The following PDGFC variants were observed in gnomAD, a reference collection of about 807,000 sequenced individuals.
The protein encoded by PDGFC is platelet derived growth factor C.
In PDGFC, 12 loss-of-function variants were observed where a neutral mutation model predicts 35.5. The observed-to-expected ratio is 0.34, with a 90% CI of 0.22 to 0.55. PDGFC has a LOEUF of 0.55. Ranked by LOEUF, PDGFC falls within the 20% of genes least tolerant of loss-of-function variation. The pLI is 0.91. For synonymous variants in PDGFC, 159 were observed against 148.8 expected (o/e 1.07, Z -0.50); for missense variants, 322 against 412.4 (o/e 0.78, Z 1.90).
At chr4:156,944,049 C>G (rs1304588640) in intron 1 of PDGFC, among the ~76,000 whole-genome samples, 1 of 152,078 alleles carries the variant, frequency 6.6e-6, no homozygotes, top group East Asian at 1.9e-4. Context: ...AGCACCTAGC[C>G]AAATTAGAGC....
At chr4:156,854,610 T>C (rs989877863) in intron 1 of PDGFC, among the ~76,000 whole-genome samples, 1 of 152,094 alleles carries the variant, frequency 6.6e-6, no homozygotes. Flanking sequence ...ACTAGGCCTA[T>C]AATCAGAAGA....
chr4:156,813,660 T>C (rs565036573), intron 2 of PDGFC, among the ~76,000 whole-genome samples: 1 of 152,258 alleles, frequency 6.6e-6, no homozygotes, highest in South Asian at 2.1e-4. Flanking sequence ...GAGATCATGG[T>C]GGACAAATAG....
intron 1 of PDGFC, among the ~76,000 whole-genome samples, chr4:156,853,206 C>T (rs1029154178): frequency 6.6e-6 from 1 of 152,178 alleles, no homozygotes; most frequent in African/African-American, 2.4e-5. Flanking sequence ...ATTGCAGTAA[C>T]TGCAGCTACT....
chr4:156,763,086 G>GC lies in PDGFC; in HGVS notation c.*3dup. 1 of 1,494,172 alleles carries GC rather than the reference G, an allele frequency of 6.7e-7. No individual in the cohort carries two copies. The highest frequency in any genetic ancestry group is 9.3e-7 in the Non-Finnish European group (1 of 1,070,960). 92.6% of individuals were successfully genotyped at this position (1,494,172 alleles called of 1,614,324 possible). A position where few individuals can be genotyped will look rare whatever the true frequency, so the allele number is the denominator to read the frequency against. ...CTGGGCAAGAGCTGCTGGTGGTGATGCGGCTATCCTCCTGTGCTCCCTCTG... is the reference window on the plus strand; with the variant it reads ...CTGGGCAAGAGCTGCTGGTGGTGATGCCGGCTATCCTCCTGTGCTCCCTCTG... On this transcript the variant is annotated 3_prime_UTR_variant, in exon 6 of 6. Coordinates refer to ENST00000502773, the MANE Select transcript of PDGFC (RefSeq NM_016205.3).
intron 1 of PDGFC, among the ~76,000 whole-genome samples, chr4:156,925,805 C>T (rs1211234754): frequency 6.6e-6 from 1 of 151,048 alleles, no homozygotes; most frequent in African/African-American, 2.4e-5. Context: ...AACTCCAACG[C>T]TTTGGGAGGT....
intron 1 of PDGFC, among the ~76,000 whole-genome samples, chr4:156,962,256 C>T (rs1341526657): frequency 6.6e-6 from 1 of 152,030 alleles, no homozygotes; most frequent in Non-Finnish European, 1.5e-5. Flanking sequence ...ATGATATATG[C>T]CTCTTCATGC....
chr4:156,838,702 CT>C (rs1287061022), intron 2 of PDGFC, among the ~76,000 whole-genome samples: 9 of 152,080 alleles, frequency 5.9e-5, no homozygotes, highest in Non-Finnish European at 1.2e-4. Flanking sequence ...TAAACATTTC[CT>C]TTTTTACTAG....
chr4:156,889,548 T>G (rs1730454298), intron 1 of PDGFC, among the ~76,000 whole-genome samples: 1 of 152,196 alleles, frequency 6.6e-6, no homozygotes, highest in Admixed American at 6.5e-5. Flanking sequence ...TTTCTTAACA[T>G]TCTTCATGTC....
At chr4:156,910,260 C>T (rs1487495063) in intron 1 of PDGFC, among the ~76,000 whole-genome samples, 1 of 152,084 alleles carries the variant, frequency 6.6e-6, no homozygotes, top group Non-Finnish European at 1.5e-5. Context: ...AAAAATAGTG[C>T]ACAATGTCCC....
intron 1 of PDGFC, among the ~76,000 whole-genome samples, chr4:156,932,471 C>T (rs975556494): frequency 6.6e-6 from 1 of 151,972 alleles, no homozygotes; most frequent in Non-Finnish European, 1.5e-5. Context: ...GCACTATTCA[C>T]AATAGCAAAG....
chr4:156,878,835 C>T (rs777515397), intron 1 of PDGFC, among the ~76,000 whole-genome samples: 43 of 152,154 alleles, frequency 2.8e-4, no homozygotes, highest in Non-Finnish European at 5.6e-4. Context: ...TTCTGTAATA[C>T]ACTAACAGGG....
At chr4:156,897,146 G>A (rs1384477709) in intron 1 of PDGFC, among the ~76,000 whole-genome samples, 1 of 152,062 alleles carries the variant, frequency 6.6e-6, no homozygotes, top group Non-Finnish European at 1.5e-5. Context: ...GAGGCAGTAA[G>A]GTTAATTCTT....
chr4:156,897,350 ATGTG>A (rs70956698), intron 1 of PDGFC, among the ~76,000 whole-genome samples: 5,453 of 143,070 alleles, frequency 0.038, 240 homozygotes, highest in African/African-American at 0.1. Flanking sequence ...GTGAGAGTGT[ATGTG>A]TGTGTGTGTG....
intron 1 of PDGFC, among the ~76,000 whole-genome samples, chr4:156,951,236 A>G (rs901019798): frequency 1.3e-5 from 2 of 151,874 alleles, no homozygotes; most frequent in Admixed American, 1.3e-4. Flanking sequence ...TTAATAAAAC[A>G]ACGCTCGTGA....
chr4:156,769,854 G>A (rs1039215224), intron 4 of PDGFC, among the ~76,000 whole-genome samples: 1 of 151,938 alleles, frequency 6.6e-6, no homozygotes, highest in Non-Finnish European at 1.5e-5. Context: ...AGTATTTAAT[G>A]CCTGGGCAAG....
intron 2 of PDGFC, among the ~76,000 whole-genome samples, chr4:156,837,211 T>C (rs1014591036): frequency 1.8e-4 from 28 of 152,188 alleles, no homozygotes; most frequent in South Asian, 4.1e-4. Flanking sequence ...AAGTACTTTA[T>C]TTTTAATAAT....
chr4:156,890,891 A>T (rs1730487349), intron 1 of PDGFC, among the ~76,000 whole-genome samples: 1 of 152,184 alleles, frequency 6.6e-6, no homozygotes, highest in African/African-American at 2.4e-5. Flanking sequence ...GTAACCATGT[A>T]TGTATCCATT....
intron 3 of PDGFC, among the ~76,000 whole-genome samples, chr4:156,796,918 A>C (rs1731458342): frequency 1.3e-5 from 2 of 152,154 alleles, no homozygotes; most frequent in South Asian, 2.1e-4. Context: ...AATTTGCTAC[A>C]ACCTTGCAAG....
At chr4:156,939,309 C>T (rs1027486242) in intron 1 of PDGFC, among the ~76,000 whole-genome samples, 1 of 151,974 alleles carries the variant, frequency 6.6e-6, no homozygotes, top group African/African-American at 2.4e-5. Context: ...ACTTGCAATA[C>T]TGACATCATG....
Sources: gnomAD v4.1 joint callset for allele counts (sites outside exome capture counted in the v4.1 genomes callset) on GRCh38, gnomAD v4.1.1 for gene constraint, MANE v1.5 for transcripts, NCBI Gene and HGNC (gene_info 2026-07-23, HGNC 2026-07-21) for gene names.